Variants in MTSS1 observed in about 807,000 individuals in gnomAD.
The protein encoded by MTSS1 is protein MTSS 1.
In MTSS1, 18 loss-of-function variants were observed where a neutral mutation model predicts 79.0. The observed-to-expected ratio is 0.23, with a 90% CI of 0.16 to 0.34. The LOEUF (loss-of-function observed/expected upper bound fraction) is 0.34, where lower values mean the gene tolerates loss of function less well. Among genes scored for constraint, MTSS1 ranks in the 10% least tolerant of loss-of-function variants. The pLI, the probability that MTSS1 is intolerant of heterozygous loss-of-function variation, is 1.00. For missense variants in MTSS1, 815 were observed against 986.2 expected, an observed-to-expected ratio of 0.83 and a Z score of 2.33; for synonymous variants, 341 against 368.6, an observed-to-expected ratio of 0.93 and a Z score of 0.86.
chr8:124,671,171 C>T (rs1824123296), intron 3 of MTSS1, among the ~76,000 whole-genome samples: 1 of 152,040 alleles, frequency 6.6e-6, no homozygotes, highest in Non-Finnish European at 1.5e-5. Flanking sequence ...GCTAGGCTCC[C>T]TCAAATACTT....
At chr8:124,612,108 G>T (rs1377846200) in intron 3 of MTSS1, among the ~76,000 whole-genome samples, 2 of 152,244 alleles carry the variant, frequency 1.3e-5, no homozygotes, top group Non-Finnish European at 2.9e-5. Flanking sequence ...GGAATTATCT[G>T]CTGCAGGAAT....
intron 1 of MTSS1, among the ~76,000 whole-genome samples, chr8:124,704,621 G>A (rs1307238044): frequency 6.6e-6 from 1 of 152,180 alleles, no homozygotes; most frequent in Non-Finnish European, 1.5e-5. Flanking sequence ...GTTACAGAAA[G>A]CATTAATTAG....
At chr8:124,696,871 A>G (rs1828929506) in intron 3 of MTSS1, among the ~76,000 whole-genome samples, 1 of 152,126 alleles carries the variant, frequency 6.6e-6, no homozygotes, top group Non-Finnish European at 1.5e-5. Context: ...AAAAGAAAAA[A>G]AAATGTCAAA....
intron 3 of MTSS1, among the ~76,000 whole-genome samples, chr8:124,594,767 T>G (rs1832469906): frequency 6.6e-6 from 1 of 152,188 alleles, no homozygotes; most frequent in Middle Eastern, 3.2e-3. Flanking sequence ...GCTATTAGAA[T>G]CACTGCTGAT....
intron 3 of MTSS1, among the ~76,000 whole-genome samples, chr8:124,622,305 G>T (rs576286900): frequency 6.6e-6 from 1 of 151,942 alleles, no homozygotes; most frequent in Admixed American, 6.6e-5. Flanking sequence ...GGTTACCAAG[G>T]AGCAGGGGTG....
intron 3 of MTSS1, among the ~76,000 whole-genome samples, chr8:124,660,427 C>T (rs976885560): frequency 1.9e-4 from 23 of 121,420 alleles, no homozygotes; most frequent in African/African-American, 4.5e-4. Flanking sequence ...GTTGCCCATG[C>T]GCATGCACAC....
chr8:124,552,991 C>T lies in MTSS1; in HGVS notation c.*1G>A, dbSNP rs993890267. On this transcript the variant is annotated 3_prime_UTR_variant, in exon 14 of 14. Transcript: ENST00000518547. ...TCCCCACCGGCGCATTTCTTGTGAA[C>T]CTAAGAAAAGCGAGGGGCTGAGCGA... is the stretch of plus-strand genomic sequence containing the variant. 5 of 1,609,882 alleles carry T rather than the reference C, an allele frequency of 3.1e-6. No homozygotes were observed. The highest frequency in any genetic ancestry group is 2.2e-5 in the South Asian group (2 of 91,012).
At chr8:124,685,596 G>T (rs1218509760) in intron 3 of MTSS1, among the ~76,000 whole-genome samples, 1 of 152,142 alleles carries the variant, frequency 6.6e-6, no homozygotes, top group African/African-American at 2.4e-5. Flanking sequence ...AGGGCATTCC[G>T]AGTGTGTGTG....
chr8:124,641,267 A>AC lies in MTSS1; in HGVS notation c.209-50033dup, dbSNP rs577070708. The stretch of plus-strand genomic sequence containing the variant: ...GGCTGGTTAAGAGAGCTCCCTCCAG[A>AC]CCCCCCAATCCCCATATACCTGTGA... On this transcript the variant is annotated intron_variant, in intron 3 of 13. Transcript: ENST00000518547. Among the ~76,000 whole-genome samples the AC allele has an allele frequency of 9.4e-5, 14 of 149,296 alleles. No homozygotes were observed. The South Asian group carries it at 3.0e-3, about 32-fold the overall frequency.
intron 5 of MTSS1, 65 bp from the exon 6 acceptor site, chr8:124,585,226 A>G (rs1830649784): frequency 1.7e-6 from 2 of 1,166,474 alleles, no homozygotes. Flanking sequence ...GTTAGGTAGG[A>G]AACAGCCATT....
At chr8:124,626,337 CT>C (rs1391848016) in intron 3 of MTSS1, among the ~76,000 whole-genome samples, 1 of 152,074 alleles carries the variant, frequency 6.6e-6, no homozygotes, top group African/African-American at 2.4e-5. Context: ...GATGCTTGAG[CT>C]AAAAAATGAT....
rs1248184893 is a variant in MTSS1, at chr8:124,717,862, C to T, written c.72+10022G>A. Among the ~76,000 whole-genome samples, 3 of 152,298 alleles carry T rather than the reference C, an allele frequency of 2.0e-5. No homozygotes were observed. In the East Asian group the frequency reaches 5.8e-4, roughly 29 times the overall value. The stretch of plus-strand genomic sequence containing the variant: ...TTCCAGGAGGGCAGGGATTTGTGTC[C>T]ATTGTGTTCACTGCTAGAGCCCAGC... On this transcript the variant is annotated intron_variant, in intron 1 of 13. Transcript: ENST00000518547.
intron 4 of MTSS1, among the ~76,000 whole-genome samples, chr8:124,590,367 T>C (rs1831642730): frequency 6.6e-6 from 1 of 152,074 alleles, no homozygotes; most frequent in Non-Finnish European, 1.5e-5. Flanking sequence ...ACTTTGAGGG[T>C]GGGGCCCAGC....
chr8:124,656,142 T>G (rs902253767), intron 3 of MTSS1, among the ~76,000 whole-genome samples: 2 of 152,218 alleles, frequency 1.3e-5, no homozygotes, highest in Non-Finnish European at 2.9e-5. Flanking sequence ...AAGAGATAGA[T>G]CCCCGTTTTT....
chr8:124,583,707 C>G (rs1330139184), intron 6 of MTSS1, among the ~76,000 whole-genome samples: 1 of 152,170 alleles, frequency 6.6e-6, no homozygotes, highest in Non-Finnish European at 1.5e-5. Context: ...ACCACCTCTC[C>G]CAGCCCAGGA....
chr8:124,589,043 T>A (rs1192357524), intron 5 of MTSS1, among the ~76,000 whole-genome samples: 1 of 151,182 alleles, frequency 6.6e-6, no homozygotes, highest in African/African-American at 2.4e-5. Context: ...TTTTTTTTTG[T>A]TTTTTGAGAT....
intron 3 of MTSS1, among the ~76,000 whole-genome samples, chr8:124,637,940 C>CA (rs2133935535): frequency 6.6e-6 from 1 of 152,328 alleles, no homozygotes; most frequent in Admixed American, 6.5e-5. Flanking sequence ...AAGACTTACA[C>CA]ACAAGTTAGA....
At chr8:124,558,915 T>G in intron 10 of MTSS1, 1 of 1,444,224 alleles carries the variant, frequency 6.9e-7, no homozygotes, top group Non-Finnish European at 9.1e-7. Flanking sequence ...AAAAAAGGAA[T>G]GGGGATGGGA....
intron 3 of MTSS1, among the ~76,000 whole-genome samples, chr8:124,598,824 A>G (rs1343761924): frequency 6.6e-6 from 1 of 152,224 alleles, no homozygotes; most frequent in Non-Finnish European, 1.5e-5. Context: ...ATACCCAAAT[A>G]ACTAGGAGAG....
Sources: allele counts gnomAD v4.1 joint callset (sites outside exome capture counted in the v4.1 genomes callset), GRCh38; gene constraint gnomAD v4.1.1; transcripts MANE v1.5; gene names NCBI Gene and HGNC (gene_info 2026-07-23, HGNC 2026-07-21).